Variants in LCK observed in about 807,000 individuals in gnomAD.
The protein encoded by LCK is tyrosine-protein kinase Lck.
Under a neutral mutation model 64.6 loss-of-function variants are expected in LCK, and 14 were observed. That is an observed-to-expected ratio of 0.22 (90% CI 0.14 to 0.34). The LOEUF is 0.34. Among genes scored for constraint, LCK ranks in the 10% least tolerant of loss-of-function variants. The pLI is 1.00. For synonymous variants in LCK, 277 were observed against 263.6 expected (o/e 1.05, Z -0.49); for missense variants, 434 against 668.1 (o/e 0.65, Z 3.86).
chr1:32,255,686 C>T (rs1210599477), intron 1 of LCK, among the ~76,000 whole-genome samples: 1 of 152,172 alleles, frequency 6.6e-6, no homozygotes, highest in Non-Finnish European at 1.5e-5. Flanking sequence ...CAGAGGGGCA[C>T]CCACCTCTGT....
intron 1 of LCK, among the ~76,000 whole-genome samples, chr1:32,255,885 T>A (rs1378587271): frequency 6.6e-6 from 1 of 150,792 alleles, no homozygotes; most frequent in African/African-American, 2.5e-5. Flanking sequence ...CACTGTAACT[T>A]CACACACCTG....
chr1:32,278,892 C>T (rs547004484), intron 9 of LCK, among the ~76,000 whole-genome samples: 39 of 152,310 alleles, frequency 2.6e-4, no homozygotes, highest in South Asian at 1.2e-3. Context: ...TTGGGAAGGG[C>T]CATTGGTCAC....
chr1:32,262,748 G>A (rs894355100), intron 1 of LCK, among the ~76,000 whole-genome samples: 10 of 150,402 alleles, frequency 6.6e-5, no homozygotes, highest in Non-Finnish European at 8.9e-5. Flanking sequence ...GTTTGATAAA[G>A]ATTGCTGAGT....
chr1:32,252,900 G>T lies in LCK; in HGVS notation c.-6+1529G>T, dbSNP rs115141622. 2.7e-3 allele frequency among the ~76,000 whole-genome samples: 416 copies of T among 152,290 alleles called. 2 individuals carry two copies. Among genetic ancestry groups the T allele is most frequent in the African/African-American group, 9.8e-3 (407 of 41,570 alleles). The stretch of plus-strand genomic sequence containing the variant: ...CTGGATTCTGTTCCTTGGGTACCAC[G>T]AGGGCAGAGACCTCAGAGCAAGACC... On this transcript the variant is annotated intron_variant, in intron 1 of 12. Coordinates refer to ENST00000336890, the MANE Select transcript of LCK (RefSeq NM_005356.5).
intron 9 of LCK, among the ~76,000 whole-genome samples, chr1:32,277,598 C>T (rs1255271455): frequency 6.6e-6 from 1 of 152,164 alleles, no homozygotes; most frequent in Non-Finnish European, 1.5e-5. Context: ...TTTGTTCACA[C>T]CGATTTGCCG....
Position 32,259,289 on chromosome 1 carries a change from T to TTAAA in LCK, c.-6+7918_-6+7919insTAAA, listed in dbSNP as rs1553151851. ...GCCCTCTCATTCACAGCTTCTCAGG[T>TTAAA]AAAAAAAAAAAAAGAAAAAGAAAAA... is the stretch of plus-strand genomic sequence containing the variant. On this transcript the variant is annotated intron_variant, in intron 1 of 12. Transcript: ENST00000336890. Among the ~76,000 whole-genome samples the TTAAA allele has an allele frequency of 3.6e-3, 451 of 124,196 alleles. 3 individuals are homozygous for TTAAA. Among genetic ancestry groups the TTAAA allele is most frequent in the African/African-American group, 0.013 (427 of 32,120 alleles). The allele number at this position is 124,196 out of a possible 152,430, so 81.5% of individuals were successfully genotyped here.
chr1:32,263,794 C>T (rs1411336948), intron 1 of LCK, among the ~76,000 whole-genome samples: 1 of 152,038 alleles, frequency 6.6e-6, no homozygotes, highest in Non-Finnish European at 1.5e-5. Context: ...GCCTGCAGTC[C>T]CCACTACTCA....
Position 32,275,871 on chromosome 1 carries a change from A to G in LCK, c.482-43A>G. On this transcript the variant is annotated intron_variant, in intron 6 of 12. Coordinates refer to ENST00000336890, the MANE Select transcript of LCK (RefSeq NM_005356.5). This position sits in a 1 kb window ranked among gnomAD's most constrained non-coding sequence, Gnocchi z 6.9. ...GGGGGCGCGGTGGCGGGCCAGACTCACTGCGTTCTTTCGTCGCTTTGTCCA... is the reference window on the plus strand; with the variant it reads ...GGGGGCGCGGTGGCGGGCCAGACTCGCTGCGTTCTTTCGTCGCTTTGTCCA... The G allele has an allele frequency of 6.8e-6, 11 of 1,610,122 alleles. No individual in the cohort carries two copies. Among genetic ancestry groups the G allele is most frequent in the Non-Finnish European group, 9.3e-6 (11 of 1,177,616 alleles).
intron 1 of LCK, among the ~76,000 whole-genome samples, chr1:32,261,625 G>T (rs1192882586): frequency 7.7e-6 from 1 of 130,520 alleles, no homozygotes; most frequent in Non-Finnish European, 1.6e-5. Flanking sequence ...TAGCCTGGGC[G>T]ACACAGTGAG....
chr1:32,259,344 G>A lies in LCK; in HGVS notation c.-6+7973G>A, dbSNP rs949507868. Among the ~76,000 whole-genome samples the A allele has an allele frequency of 4.6e-5, 7 of 151,506 alleles. No homozygotes were observed. The South Asian group carries it at 1.0e-3, about 23-fold the overall frequency. ...AAAAAAATAGCTGGAGGCTGGGTGC[G>A]GTGGCTCATGCCACACCTGTAATCC... On this transcript the variant is annotated intron_variant, in intron 1 of 12. Transcript: ENST00000336890.
rs1406057348 is a variant in LCK, at chr1:32,276,373, C to A, written c.668C>A (p.Pro223His). ...GGGCTGTGCACACGGTTGAGCCGCC[C>A]CTGCCAGACCCAGAAGCCCCAGAAG... ...SDGLCTRLSR[P>H]CQTQKPQKPW... is the part of the protein sequence containing the mutation. Residue 223 changes from proline (P) to histidine (H), a missense_variant, in exon 8 of 13, where the codon CCC (proline) becomes CAC (histidine). Transcript: ENST00000336890. This position sits in a 1 kb window ranked among gnomAD's most constrained non-coding sequence, Gnocchi z 4.6. 2.5e-6 allele frequency: 4 copies of A among 1,610,794 alleles called. No homozygotes were observed. Among genetic ancestry groups the A allele is most frequent in the Non-Finnish European group, 2.5e-6 (3 of 1,179,394 alleles).
Position 32,285,941 on chromosome 1 carries a change from A to T in LCK, c.*225A>T, listed in dbSNP as rs997441878. On this transcript the variant is annotated 3_prime_UTR_variant, in exon 13 of 13. Transcript: ENST00000336890. ...TAGCCTGTGCATGTATGTCTTGGAC[A>T]CTGTACAAGGTACCCCTTTCTGGCT... 19 of 581,682 alleles carry T rather than the reference A, an allele frequency of 3.3e-5. No homozygotes were observed. The African/African-American group carries it at 3.4e-4, about 10-fold the overall frequency. The allele number at this position is 581,682 out of a possible 1,614,324, so 36.0% of individuals were successfully genotyped here.
intron 3 of LCK, 61 bp from the exon 4 acceptor site, chr1:32,274,932 G>A: frequency 6.2e-7 from 1 of 1,614,048 alleles, no homozygotes; most frequent in Non-Finnish European, 8.5e-7. Flanking sequence ...CCCCCACCCT[G>A]TAACTCCAGG....
At chr1:32,273,299 A>AGT (rs1309250437) in intron 1 of LCK, among the ~76,000 whole-genome samples, 1 of 133,406 alleles carries the variant, frequency 7.5e-6, no homozygotes, top group Middle Eastern at 5.5e-3. Context: ...TTTATGTGAA[A>AGT]GTGTGTGTGT....
Position 32,280,087 on chromosome 1 carries a change from T to C in LCK, c.1204T>C (p.Phe402Leu). Residue 402 changes from phenylalanine to leucine, a missense_variant, in exon 12 of 13, where the codon TTT becomes CTT. Phe to Leu is a conservative substitution (Grantham distance 22). Coordinates refer to ENST00000336890, the MANE Select transcript of LCK (RefSeq NM_005356.5). Reference protein sequence around the residue: ...NEYTAREGAKFPIKWTAPEAI... With the variant: ...NEYTAREGAKLPIKWTAPEAI... ...CTCTGCCTCCTCCTTAGGGGCCAAG[T>C]TTCCCATTAAGTGGACAGCGCCAGA... is the stretch of plus-strand genomic sequence containing the variant. The C allele has an allele frequency of 1.2e-6, 2 of 1,614,018 alleles. No homozygotes were observed. The highest frequency in any genetic ancestry group is 8.5e-7 in the Non-Finnish European group (1 of 1,179,996).
rs775495212 is a variant in LCK, at chr1:32,276,820, C to G, written c.964+34C>G. ...TACCCGAGTCGGCTACCAGGGGATA[C>G]TGCTCTCCCTGCTGTCCCTGCCAGA... On this transcript the variant is annotated intron_variant, in intron 9 of 12. Coordinates refer to ENST00000336890, the MANE Select transcript of LCK (RefSeq NM_005356.5). This position sits in a 1 kb window ranked among gnomAD's most constrained non-coding sequence, Gnocchi z 4.6. 1.3e-6 allele frequency: 2 copies of G among 1,541,804 alleles called. No homozygotes were observed. The highest frequency in any genetic ancestry group is 1.8e-6 in the Non-Finnish European group (2 of 1,136,122).
At position 32,281,941 on chromosome 1, in the gene LCK, G is replaced by A. The variant is rs923918477; in HGVS notation, c.1327+1731G>A. ...AAAAATTATCTGGGCATGGTGGCAC[G>A]CGCCTGTAACCCTAGATACTCAGGA... On this transcript the variant is annotated intron_variant, in intron 12 of 12. Coordinates refer to ENST00000336890, the MANE Select transcript of LCK (RefSeq NM_005356.5). Among the ~76,000 whole-genome samples, 4 of 152,194 alleles carry A rather than the reference G, an allele frequency of 2.6e-5. No individual in the cohort carries two copies. The South Asian group carries it at 6.2e-4, about 24-fold the overall frequency.
chr1:32,268,585 T>C (rs1639992470), intron 1 of LCK, among the ~76,000 whole-genome samples: 1 of 151,996 alleles, frequency 6.6e-6, no homozygotes, highest in African/African-American at 2.4e-5. Flanking sequence ...AAATATATCA[T>C]GTACCCCATA....
chr1:32,279,502 C>A lies in LCK; in HGVS notation c.965-169C>A, dbSNP rs1020699599. The A allele has an allele frequency of 2.9e-6, 4 of 1,366,548 alleles. No homozygotes were observed. In the African/African-American group the frequency reaches 4.4e-5, roughly 15 times the overall value. The allele number at this position is 1,366,548 out of a possible 1,614,324, so 84.7% of individuals were successfully genotyped here. A position where few individuals can be genotyped will look rare whatever the true frequency, so the allele number is the denominator to read the frequency against. ...TACCCTAGCCCCTCTGCAAAAAAACCTTTACATATCCTGGGCATCCTTACC... is the reference window on the plus strand; with the variant it reads ...TACCCTAGCCCCTCTGCAAAAAAACATTTACATATCCTGGGCATCCTTACC... On this transcript the variant is annotated intron_variant, in intron 9 of 12. Transcript: ENST00000336890.
Sources: gnomAD v4.1 joint callset for allele counts (sites outside exome capture counted in the v4.1 genomes callset) on GRCh38, gnomAD v4.1.1 for gene constraint, Gnocchi (gnomAD v3.1) non-coding constraint, MANE v1.5 for transcripts, NCBI Gene and HGNC (gene_info 2026-07-23, HGNC 2026-07-21) for gene names.